Variants in AKAP13 observed in about 807,000 individuals in gnomAD.
AKAP13 encodes the protein A-kinase anchor protein 13.
A neutral mutation model predicts 264.5 loss-of-function variants in AKAP13; 80 were observed. That is an observed-to-expected ratio of 0.30 (90% CI 0.25 to 0.36). The LOEUF (loss-of-function observed/expected upper bound fraction) is 0.36, where lower values mean the gene tolerates loss of function less well. Among genes scored for constraint, AKAP13 ranks in the 10% least tolerant of loss-of-function variants. AKAP13 has a pLI of 1.00. For synonymous variants in AKAP13, 1,380 were observed against 1,250.2 expected (o/e 1.10, Z -2.19); for missense variants, 3,712 against 3,435.2 (o/e 1.08, Z -2.01).
intron 1 of AKAP13, among the ~76,000 whole-genome samples, chr15:85,473,299 G>A (rs866615431): frequency 1.2e-4 from 18 of 152,210 alleles, no homozygotes; most frequent in African/African-American, 3.9e-4. Flanking sequence ...GACCCAGGTT[G>A]TCAGGAGAGC....
At chr15:85,499,353 T>C (rs1454210932) in intron 2 of AKAP13, among the ~76,000 whole-genome samples, 3 of 152,208 alleles carry the variant, frequency 2.0e-5, no homozygotes, top group Non-Finnish European at 4.4e-5. Context: ...TGATTGTAGA[T>C]AATTAAAGCC....
At chr15:85,735,730 A>G in intron 32 of AKAP13, 100 bp downstream of exon 32, 2 of 1,159,036 alleles carry the variant, frequency 1.7e-6, no homozygotes, top group Non-Finnish European at 2.5e-6. Context: ...CGATGCCTGA[A>G]TTGCTGCTTT....
intron 1 of AKAP13, among the ~76,000 whole-genome samples, chr15:85,421,107 T>G (rs867525019): frequency 2.1e-4 from 32 of 152,310 alleles, no homozygotes; most frequent in Admixed American, 2.6e-4. Flanking sequence ...GTTTCTCAAG[T>G]TTTAGAAAAT....
chr15:85,717,421 C>CT lies in AKAP13; in HGVS notation c.5848+22dup, dbSNP rs1266212103. On this transcript the variant is annotated intron_variant, in intron 21 of 36. Coordinates refer to ENST00000394518, the MANE Select transcript of AKAP13 (RefSeq NM_007200.5). ...GATGAGGGTAAGAGGAAGTTATGGC[C>CT]TTTATTTTATGCCTCTGTAGGGACT... is the stretch of plus-strand genomic sequence containing the variant. 5.1e-6 allele frequency: 8 copies of CT among 1,560,908 alleles called. No individual in the cohort carries two copies. Among genetic ancestry groups the CT allele is most frequent in the Non-Finnish European group, 7.1e-6 (8 of 1,133,902 alleles).
chr15:85,546,396 A>T (rs1224056584), intron 5 of AKAP13, among the ~76,000 whole-genome samples: 2 of 151,790 alleles, frequency 1.3e-5, no homozygotes, highest in South Asian at 2.1e-4. Flanking sequence ...TCCATCACAG[A>T]TAAATGGACA....
chr15:85,723,047 A>C (rs1234965011), intron 25 of AKAP13, 25 bp from the exon 26 acceptor site: 1 of 1,603,234 alleles, frequency 6.2e-7, no homozygotes, highest in Non-Finnish European at 8.5e-7. Context: ...AGCCATAAAA[A>C]ACAGAATTAT....
chr15:85,633,535 C>CTTT (rs56687591), intron 8 of AKAP13, among the ~76,000 whole-genome samples: 25 of 97,766 alleles, frequency 2.6e-4, no homozygotes, highest in South Asian at 1.4e-3. Flanking sequence ...CTTTTTTTTT[C>CTTT]TTTTTTTTTT....
At chr15:85,465,483 T>G (rs1196764291) in intron 1 of AKAP13, among the ~76,000 whole-genome samples, 3 of 137,304 alleles carry the variant, frequency 2.2e-5, no homozygotes. Context: ...GTATATCTCC[T>G]AATGCTATCC....
At chr15:85,388,145 C>T (rs183975516) in intron 1 of AKAP13, among the ~76,000 whole-genome samples, 4 of 151,674 alleles carry the variant, frequency 2.6e-5, no homozygotes, top group Non-Finnish European at 4.4e-5. Context: ...AAGTGATTCT[C>T]GTGCCTCAGC....
intron 9 of AKAP13, among the ~76,000 whole-genome samples, chr15:85,643,285 A>G (rs2082396518): frequency 6.6e-6 from 1 of 151,682 alleles, no homozygotes; most frequent in Admixed American, 6.6e-5. Flanking sequence ...CCCCCCCAAC[A>G]CTAAACATTT....
intron 2 of AKAP13, among the ~76,000 whole-genome samples, chr15:85,520,498 CAAAAAA>C (rs71468111): frequency 5.6e-5 from 4 of 71,294 alleles, no homozygotes; most frequent in Non-Finnish European, 1.2e-4. Flanking sequence ...AACTCCGTCT[CAAAAAA>C]AAAAAAAAAA....
At chr15:85,657,992 T>C (rs1181194102) in intron 11 of AKAP13, among the ~76,000 whole-genome samples, 1 of 152,156 alleles carries the variant, frequency 6.6e-6, no homozygotes, top group East Asian at 1.9e-4. Context: ...ATAAATGATT[T>C]GCCCAAAATT....
intron 8 of AKAP13, among the ~76,000 whole-genome samples, chr15:85,625,030 T>C (rs2081349820): frequency 1.3e-5 from 2 of 152,234 alleles, no homozygotes; most frequent in Admixed American, 6.5e-5. Flanking sequence ...GGAGATAATA[T>C]GGACAAAGGA....
chr15:85,460,915 C>T (rs184026953), intron 1 of AKAP13, among the ~76,000 whole-genome samples: 21 of 151,442 alleles, frequency 1.4e-4, no homozygotes, highest in Admixed American at 1.4e-3. Context: ...TGAGATCGAT[C>T]TCAGATTTCT....
At chr15:85,596,975 T>C (rs1240265335) in intron 8 of AKAP13, among the ~76,000 whole-genome samples, 1 of 152,192 alleles carries the variant, frequency 6.6e-6, no homozygotes, top group Non-Finnish European at 1.5e-5. Context: ...AAATTATGAA[T>C]TATTTTATTG....
intron 1 of AKAP13, among the ~76,000 whole-genome samples, chr15:85,405,978 G>A (rs531691290): frequency 4.7e-4 from 72 of 152,184 alleles, no homozygotes; most frequent in African/African-American, 1.6e-3. Context: ...TTCTTGAGTA[G>A]CTGCATCTAC....
Position 85,581,148 on chromosome 15 carries a change from A to G in AKAP13, c.3080A>G (p.Glu1027Gly), listed in dbSNP as rs1177225295. The G allele has an allele frequency of 6.2e-7, 1 of 1,614,120 alleles. No homozygotes were observed. Among genetic ancestry groups the G allele is most frequent in the South Asian group, 1.1e-5 (1 of 91,078 alleles). Reference sequence around the variant, plus strand: ...CCACCAGGAGCAAGTCTGGCCACAGAGTCAAGGCAGGAAGCCTTGGGGGCA... The same window carrying G: ...CCACCAGGAGCAAGTCTGGCCACAGGGTCAAGGCAGGAAGCCTTGGGGGCA... ...LVPPGASLAT[E>G]SRQEALGAEH... The change falls in exon 7 of 37, where the codon GAG (glutamate) becomes GGG (glycine). Residue 1027 changes from glutamate to glycine, a missense_variant. Transcript: ENST00000394518.
At chr15:85,630,622 T>A (rs543586780) in intron 8 of AKAP13, among the ~76,000 whole-genome samples, 5 of 152,172 alleles carry the variant, frequency 3.3e-5, no homozygotes, top group African/African-American at 1.2e-4. Flanking sequence ...TTTTAAAAAA[T>A]AGAAGGATAG....
chr15:85,677,791 C>A (rs559399326), intron 14 of AKAP13, among the ~76,000 whole-genome samples: 1 of 151,832 alleles, frequency 6.6e-6, no homozygotes, highest in Non-Finnish European at 1.5e-5. Flanking sequence ...GGACTACAGG[C>A]GTCCGCCACC....
Sources: allele counts gnomAD v4.1 joint callset (sites outside exome capture counted in the v4.1 genomes callset), GRCh38; gene constraint gnomAD v4.1.1; transcripts MANE v1.5; gene names NCBI Gene and HGNC (gene_info 2026-07-23, HGNC 2026-07-21).